Variants in RYR2 observed in about 807,000 individuals in gnomAD.
The protein encoded by RYR2 is cardiac muscle ryanodine receptor-calcium release channel.
RYR2 carries 227 observed loss-of-function variants against 601.1 expected under a neutral mutation model. The ratio of observed to expected loss-of-function variants is 0.38; its 90% confidence interval spans 0.34 to 0.42. The LOEUF (loss-of-function observed/expected upper bound fraction) is 0.42. Ranked by LOEUF, RYR2 falls within the 10% of genes least tolerant of loss-of-function variation. The probability of loss-of-function intolerance (pLI) is 1.00; values close to 1 mark genes in which losing one functional copy is unlikely to be tolerated. For synonymous variants in RYR2, 2,223 were observed against 2,175.1 expected (o/e 1.02, Z -0.61); for missense variants, 4,646 against 6,156.5 (o/e 0.75, Z 8.21).
At chr1:237,162,284 A>G (rs1676097480) in intron 1 of RYR2, among the ~76,000 whole-genome samples, 1 of 152,148 alleles carries the variant, frequency 6.6e-6, no homozygotes, top group African/African-American at 2.4e-5. Context: ...GTACCTTTAT[A>G]CAGTATGTGA....
intron 21 of RYR2, among the ~76,000 whole-genome samples, chr1:237,501,579 C>T (rs139915104): frequency 6.6e-6 from 1 of 152,270 alleles, no homozygotes; most frequent in African/African-American, 2.4e-5. Context: ...TACACACACA[C>T]ACCTGTACAC....
At chr1:237,427,111 A>C (rs1184608870) in intron 12 of RYR2, among the ~76,000 whole-genome samples, 3 of 152,206 alleles carry the variant, frequency 2.0e-5, no homozygotes, top group Non-Finnish European at 4.4e-5. Flanking sequence ...TGGAAGAGAG[A>C]AAAGTTGGTG....
intron 11 of RYR2, 37 bp from the exon 12 acceptor site, chr1:237,423,054 TG>T (rs1490239427): frequency 6.3e-7 from 1 of 1,584,508 alleles, no homozygotes; most frequent in Non-Finnish European, 8.6e-7. Flanking sequence ...TCTGTGATTG[TG>T]GGTGCTATTG....
At chr1:237,062,558 C>T (rs1663015891) in intron 1 of RYR2, among the ~76,000 whole-genome samples, 1 of 152,028 alleles carries the variant, frequency 6.6e-6, no homozygotes, top group African/African-American at 2.4e-5. Context: ...ATTGACTTTA[C>T]ATTTGACCTT....
At chr1:237,511,587 T>G in intron 23 of RYR2, 101 bp from the exon 24 acceptor site, 1 of 892,466 alleles carries the variant, frequency 1.1e-6, no homozygotes, top group Non-Finnish European at 1.8e-6. Flanking sequence ...TCTGGGTGTT[T>G]CTTCTTGCCT....
chr1:237,171,247 A>AG (rs1558361587), intron 1 of RYR2, among the ~76,000 whole-genome samples: 1 of 148,596 alleles, frequency 6.7e-6, no homozygotes, highest in Admixed American at 6.8e-5. Context: ...AAAAAAAAAA[A>AG]TAGATTCTCC....
chr1:237,824,181 G>A (rs1662836582), intron 101 of RYR2, among the ~76,000 whole-genome samples: 1 of 152,046 alleles, frequency 6.6e-6, no homozygotes, highest in South Asian at 2.1e-4. Context: ...ATATTATGAG[G>A]CCAGAATCAT....
chr1:237,284,419 A>G (rs988679269), intron 2 of RYR2, among the ~76,000 whole-genome samples: 5 of 135,112 alleles, frequency 3.7e-5, no homozygotes, highest in African/African-American at 1.2e-4. Flanking sequence ...CATCCAGGTC[A>G]CTGCAAATGC....
intron 1 of RYR2, among the ~76,000 whole-genome samples, chr1:237,116,300 C>A (rs1670073749): frequency 6.6e-6 from 1 of 152,110 alleles, no homozygotes; most frequent in South Asian, 2.1e-4. Context: ...TTGTTCCTGT[C>A]CTTTCTTCAT....
At chr1:237,487,421 A>G (rs1477896464) in intron 17 of RYR2, among the ~76,000 whole-genome samples, 1 of 152,030 alleles carries the variant, frequency 6.6e-6, no homozygotes, top group African/African-American at 2.4e-5. Context: ...AAAATTAAAA[A>G]TCAAATTTAT....
At chr1:237,274,715 C>T (rs375976476) in intron 2 of RYR2, among the ~76,000 whole-genome samples, 2 of 152,126 alleles carry the variant, frequency 1.3e-5, no homozygotes, top group Non-Finnish European at 2.9e-5. Context: ...GAGTAACTTC[C>T]GGTCGTGCAA....
chr1:237,160,636 A>C (rs17625146), intron 1 of RYR2, among the ~76,000 whole-genome samples: 107 of 151,956 alleles, frequency 7.0e-4, no homozygotes, highest in African/African-American at 2.5e-3. Context: ...TGAGTTGTCC[A>C]TTTTACTAAT....
chr1:237,743,764 G>C (rs1038041353), intron 80 of RYR2: 1 of 393,076 alleles, frequency 2.5e-6, no homozygotes, highest in African/African-American at 2.1e-5. Flanking sequence ...TAGCTCCAAT[G>C]CATTTGGTCT....
chr1:237,433,317 C>T (rs370920669), intron 12 of RYR2, among the ~76,000 whole-genome samples: 47 of 144,646 alleles, frequency 3.2e-4, no homozygotes, highest in East Asian at 8.3e-4. Flanking sequence ...CATATACAGA[C>T]GTGAAAAATT....
chr1:237,388,661 C>A (rs371907283), intron 10 of RYR2, among the ~76,000 whole-genome samples: 7 of 152,180 alleles, frequency 4.6e-5, no homozygotes, highest in African/African-American at 1.7e-4. Context: ...TGATATAATA[C>A]CTCTCTCATG....
At chr1:237,444,421 G>C (rs1012908382) in intron 13 of RYR2, among the ~76,000 whole-genome samples, 1 of 152,040 alleles carries the variant, frequency 6.6e-6, no homozygotes, top group African/African-American at 2.4e-5. Context: ...TTTTATATAA[G>C]GAGTTTCCTC....
At chr1:237,560,386 T>C (rs1671328748) in intron 27 of RYR2, among the ~76,000 whole-genome samples, 1 of 152,210 alleles carries the variant, frequency 6.6e-6, no homozygotes, top group Non-Finnish European at 1.5e-5. Flanking sequence ...TCAAGTGGAA[T>C]AAAGACAAGT....
At chr1:237,198,440 ATTTTTTT>A (rs145357805) in intron 1 of RYR2, among the ~76,000 whole-genome samples, 1 of 132,906 alleles carries the variant, frequency 7.5e-6, no homozygotes. Context: ...TGTTTCCTTG[ATTTTTTT>A]TTTTTTTTTT....
At chr1:237,631,402 C>G (rs1470402855) in intron 41 of RYR2, 25 bp from the exon 42 acceptor site, 1 of 1,440,508 alleles carries the variant, frequency 6.9e-7, no homozygotes, top group East Asian at 2.3e-5. Context: ...TGAGCTTTAC[C>G]CCATACGTCC....
Sources: gnomAD v4.1 joint callset for allele counts (sites outside exome capture counted in the v4.1 genomes callset) on GRCh38, gnomAD v4.1.1 for gene constraint, MANE v1.5 for transcripts, NCBI Gene and HGNC (gene_info 2026-07-23, HGNC 2026-07-21) for gene names.